Variants in ISM1 observed in about 807,000 individuals in gnomAD.
The protein encoded by ISM1 is isthmin 1.
A neutral mutation model predicts 46.3 loss-of-function variants in ISM1; 25 were observed. That is an observed-to-expected ratio of 0.54 (90% confidence interval 0.39 to 0.75). The LOEUF (loss-of-function observed/expected upper bound fraction) is 0.75, where lower values mean the gene tolerates loss of function less well. Ranked by LOEUF, ISM1 falls within the 30% of genes least tolerant of loss-of-function variation. ISM1 has a pLI of 0.00. For synonymous variants in ISM1, 255 were observed against 256.7 expected (o/e 0.99, Z 0.06); for missense variants, 536 against 625.4 (o/e 0.86, Z 1.52).
At chr20:13,296,064 G>A (rs2040403918) in intron 5 of ISM1, among the ~76,000 whole-genome samples, 1 of 152,060 alleles carries the variant, frequency 6.6e-6, no homozygotes, top group African/African-American at 2.4e-5. Flanking sequence ...TTTTGCCTTT[G>A]CCTCCCTTAA....
the ISM1 span, among the ~76,000 whole-genome samples, chr20:13,311,255 A>AGATGATAGATT: frequency 7.5e-6 from 1 of 132,510 alleles, no homozygotes; most frequent in Non-Finnish European, 1.6e-5. Flanking sequence ...ATAGATAGAT[A>AGATGATAGATT]GATAGATAGA....
At chr20:13,305,115 T>C (rs1055877118), downstream of ISM1, among the ~76,000 whole-genome samples, 14 of 151,528 alleles carry the variant, frequency 9.2e-5, no homozygotes, top group African/African-American at 2.7e-4. Context: ...GGTTTTGCTA[T>C]GGGTGATAAA....
chr20:13,236,791 ATCT>A (rs1375253296), intron 1 of ISM1, among the ~76,000 whole-genome samples: 1 of 152,198 alleles, frequency 6.6e-6, no homozygotes, highest in Non-Finnish European at 1.5e-5. Context: ...CTCCAAAATG[ATCT>A]TCTTTGACTC....
At chr20:13,320,405 G>A in the ISM1 span, among the ~76,000 whole-genome samples, 1 of 152,276 alleles carries the variant, frequency 6.6e-6, no homozygotes, top group East Asian at 1.9e-4. Flanking sequence ...AGAACTTAGA[G>A]ACAAATGGTA....
the ISM1 span, among the ~76,000 whole-genome samples, chr20:13,310,640 G>C: frequency 6.6e-6 from 1 of 152,132 alleles, no homozygotes; most frequent in Non-Finnish European, 1.5e-5. Flanking sequence ...GAAAAATTAT[G>C]GGCTGAGAGA....
intron 1 of ISM1, among the ~76,000 whole-genome samples, chr20:13,243,889 T>C (rs1053845443): frequency 1.3e-5 from 2 of 152,154 alleles, no homozygotes; most frequent in Non-Finnish European, 2.9e-5. Flanking sequence ...TTTCCTGAAA[T>C]AGATATTTGA....
At chr20:13,232,409 G>A (rs376059980) in intron 1 of ISM1, among the ~76,000 whole-genome samples, 24 of 152,320 alleles carry the variant, frequency 1.6e-4, no homozygotes, top group African/African-American at 5.8e-4. Flanking sequence ...AGAATGCATA[G>A]CATTGCATGA....
At chr20:13,317,772 C>T in the ISM1 span, among the ~76,000 whole-genome samples, 1 of 152,040 alleles carries the variant, frequency 6.6e-6, no homozygotes, top group Admixed American at 6.6e-5. Flanking sequence ...AGACTTTATA[C>T]CCTTCACAAA....
At chr20:13,251,430 C>T (rs1288641766) in intron 1 of ISM1, among the ~76,000 whole-genome samples, 1 of 152,144 alleles carries the variant, frequency 6.6e-6, no homozygotes, top group African/African-American at 2.4e-5. Context: ...ATCAAACATG[C>T]GTCGTGGAAT....
At chr20:13,261,333 G>A (rs1038810615) in intron 1 of ISM1, among the ~76,000 whole-genome samples, 4 of 151,692 alleles carry the variant, frequency 2.6e-5, no homozygotes, top group South Asian at 2.1e-4. Flanking sequence ...CAGGAGAATC[G>A]CCTGAACCCA....
chr20:13,263,233 C>T (rs927995220), intron 1 of ISM1, among the ~76,000 whole-genome samples: 2 of 152,164 alleles, frequency 1.3e-5, no homozygotes, highest in African/African-American at 4.8e-5. Context: ...ATGAGAGCAG[C>T]AGCTGGTCAG....
Position 13,221,782 on chromosome 20 carries a change from G to A in ISM1, c.6G>A (p.Val2=). The change falls in exon 1 of 6, where the codon GTG becomes GTA. Residue 2 remains valine, a synonymous_variant. Transcript: ENST00000262487. ...AAGCCGCGCGTCTCAAAAGGATGGT[G>A]CGCCTGGCGGCCGAGCTGCTGCTGC... The part of the protein sequence containing the change: M[V]RLAAELLLLL... 1.4e-6 allele frequency: 2 copies of A among 1,448,984 alleles called. No individual in the cohort carries two copies. The highest frequency in any genetic ancestry group is 1.8e-6 in the Non-Finnish European group (2 of 1,106,034). The allele number at this position is 1,448,984 out of a possible 1,614,324, so 89.8% of individuals were successfully genotyped here.
At chr20:13,324,848 C>T in the ISM1 span, among the ~76,000 whole-genome samples, 5 of 152,284 alleles carry the variant, frequency 3.3e-5, no homozygotes, top group African/African-American at 9.6e-5. Context: ...GTTTAAGTTT[C>T]TTATTTTCTG....
chr20:13,246,937 A>T (rs536389457), intron 1 of ISM1, among the ~76,000 whole-genome samples: 33 of 151,602 alleles, frequency 2.2e-4, no homozygotes, highest in African/African-American at 6.3e-4. Context: ...GAGATTTAAA[A>T]ATATATATAT....
intron 1 of ISM1, among the ~76,000 whole-genome samples, chr20:13,251,989 C>G (rs78029077): frequency 0.041 from 6,171 of 152,204 alleles, 194 homozygotes; most frequent in African/African-American, 0.079. Context: ...TTTTCACAGG[C>G]TGAGGTATAA....
chr20:13,258,466 C>G (rs1287193307), intron 1 of ISM1, among the ~76,000 whole-genome samples: 1 of 152,144 alleles, frequency 6.6e-6, no homozygotes, highest in Non-Finnish European at 1.5e-5. Context: ...TTATTAAGCT[C>G]TCCTTAGTTA....
rs574934141 is a variant in ISM1, at chr20:13,243,397, T to C, written c.138+21483T>C. Among the ~76,000 whole-genome samples the C allele has an allele frequency of 3.0e-4, 45 of 152,266 alleles. No individual in the cohort carries two copies. The South Asian group carries it at 9.1e-3, about 31-fold the overall frequency. ...GATGCGGGATGACTTGGAAATGTATTCCCTGATAAGGGTTGCCTCCAGCTT... is the reference window on the plus strand; with the variant it reads ...GATGCGGGATGACTTGGAAATGTATCCCCTGATAAGGGTTGCCTCCAGCTT... On this transcript the variant is annotated intron_variant, in intron 1 of 5. Coordinates refer to ENST00000262487, the MANE Select transcript of ISM1 (RefSeq NM_080826.2).
At chr20:13,306,549 GAGA>G in the ISM1 span, among the ~76,000 whole-genome samples, 3 of 89,812 alleles carry the variant, frequency 3.3e-5, no homozygotes, top group Non-Finnish European at 6.1e-5. Flanking sequence ...TCAGCAAATG[GAGA>G]AGGAGAAAGG....
At chr20:13,316,086 C>T in the ISM1 span, among the ~76,000 whole-genome samples, 1 of 151,856 alleles carries the variant, frequency 6.6e-6, no homozygotes, top group South Asian at 2.1e-4. Flanking sequence ...GTACAAATTA[C>T]TAATATCAGA....
Sources: gnomAD v4.1 joint callset for allele counts (sites outside exome capture counted in the v4.1 genomes callset) on GRCh38, gnomAD v4.1.1 for gene constraint, MANE v1.5 for transcripts, NCBI Gene and HGNC (gene_info 2026-07-23, HGNC 2026-07-21) for gene names.